Variants in DOCK7 observed in about 807,000 individuals in gnomAD.
DOCK7 encodes the protein dedicator of cytokinesis protein 7.
In DOCK7, 138 loss-of-function variants were observed where a neutral mutation model predicts 271.0. That is an observed-to-expected ratio of 0.51 (90% CI 0.44 to 0.59). The LOEUF (loss-of-function observed/expected upper bound fraction) is 0.59, where lower values mean the gene tolerates loss of function less well. DOCK7 is among the 20% of genes least tolerant of loss of function. The pLI, the probability that DOCK7 is intolerant of heterozygous loss-of-function variation, is 0.00. For missense variants in DOCK7, 2,066 were observed against 2,592.4 expected, an observed-to-expected ratio of 0.80 and a Z score of 4.41; for synonymous variants, 823 against 876.1, an observed-to-expected ratio of 0.94 and a Z score of 1.07.
In DOCK7 at chr1:62,642,355, C is replaced by T. The variant is rs143641216; in HGVS notation, c.818+5336G>A. Among the ~76,000 whole-genome samples, 1,017 of 152,212 alleles carry T rather than the reference C, an allele frequency of 6.7e-3. 6 individuals carry two copies. The highest frequency in any genetic ancestry group is 0.011 in the Non-Finnish European group (748 of 68,008). On this transcript the variant is annotated intron_variant, in intron 7 of 49. Coordinates refer to ENST00000635253, the MANE Select transcript of DOCK7 (RefSeq NM_001367561.1). ...CTGACCTCAGGTGATCTGTCCGCCT[C>T]GGCCTCCCAAAGTGCTGGGATTATA...
intron 14 of DOCK7, among the ~76,000 whole-genome samples, chr1:62,599,391 G>A (rs921347990): frequency 6.6e-6 from 1 of 151,882 alleles, no homozygotes; most frequent in Non-Finnish European, 1.5e-5. Flanking sequence ...TTCCCTTAGG[G>A]TCGTTATCAA....
Position 62,648,327 on chromosome 1 carries a change from CAA to C in DOCK7, c.520-11_520-10del. The C allele has an allele frequency of 6.4e-7, 1 of 1,562,378 alleles. No homozygotes were observed. The highest frequency in any genetic ancestry group is 8.7e-7 in the Non-Finnish European group (1 of 1,153,110). ...CGTCTTTTAAGGTCATCCTGTCATG[CAA>C]AACATTAAATATAAATATATTAATT... is the stretch of plus-strand genomic sequence containing the variant. On this transcript the variant is annotated splice_polypyrimidine_tract_variant and intron_variant, in intron 5 of 49. Coordinates refer to ENST00000635253, the MANE Select transcript of DOCK7 (RefSeq NM_001367561.1).
At chr1:62,544,866 A>C in intron 23 of DOCK7, 81 bp downstream of exon 23, 1 of 1,104,872 alleles carries the variant, frequency 9.1e-7, no homozygotes, top group Non-Finnish European at 1.3e-6. Flanking sequence ...CAAGCCACTG[A>C]AATCATAGTA....
At chr1:62,612,441 C>G (rs1302753265) in intron 14 of DOCK7, among the ~76,000 whole-genome samples, 1 of 151,998 alleles carries the variant, frequency 6.6e-6, no homozygotes, top group East Asian at 1.9e-4. Flanking sequence ...GGGCTTAAAA[C>G]CTAGATAACA....
At chr1:62,684,672 T>C (rs1178415483) in intron 1 of DOCK7, among the ~76,000 whole-genome samples, 1 of 152,194 alleles carries the variant, frequency 6.6e-6, no homozygotes, top group Non-Finnish European at 1.5e-5. Flanking sequence ...AACAAAATCC[T>C]AGACAATTTG....
intron 1 of DOCK7, among the ~76,000 whole-genome samples, chr1:62,687,953 G>A (rs577138677): frequency 6.6e-5 from 10 of 152,320 alleles, no homozygotes; most frequent in Admixed American, 2.0e-4. Context: ...CCGCCGAGGA[G>A]CAGGAGGAGG....
chr1:62,483,005 T>C (rs952828932), intron 43 of DOCK7: 1 of 151,912 alleles, frequency 6.6e-6, no homozygotes, highest in African/African-American at 2.4e-5. Context: ...ATATTTGCTG[T>C]CCATATTTTT....
chr1:62,519,972 T>C (rs1644797187), intron 31 of DOCK7, among the ~76,000 whole-genome samples: 1 of 152,136 alleles, frequency 6.6e-6, no homozygotes, highest in African/African-American at 2.4e-5. Flanking sequence ...ATCTGATCTT[T>C]GACAAACCTG....
intron 40 of DOCK7, among the ~76,000 whole-genome samples, chr1:62,493,756 C>T (rs958727975): frequency 2.0e-5 from 3 of 152,128 alleles, no homozygotes; most frequent in African/African-American, 7.2e-5. Flanking sequence ...CTACTATTAA[C>T]AGGTTTTGAA....
rs769755149 is a variant in DOCK7, at chr1:62,513,917, A to G, written c.3937-19T>C. On this transcript the variant is annotated intron_variant, in intron 31 of 49. Transcript: ENST00000635253. ...TGCCACTCTGAAAATAAAGAGCAGT[A>G]GAATGAGACAGATTGATCAAAGACC... The G allele has an allele frequency of 8.8e-6, 14 of 1,594,832 alleles. No homozygotes were observed. Among genetic ancestry groups the G allele is most frequent in the African/African-American group, 1.3e-5 (1 of 74,212 alleles).
intron 43 of DOCK7, chr1:62,482,150 C>T (rs1646145560): frequency 6.6e-6 from 1 of 152,120 alleles, no homozygotes; most frequent in African/African-American, 2.4e-5. Flanking sequence ...TTTTTGAGTA[C>T]TTACTATGTG....
chr1:62,658,287 C>T (rs1391175120), intron 2 of DOCK7, among the ~76,000 whole-genome samples: 1 of 151,332 alleles, frequency 6.6e-6, no homozygotes, highest in Non-Finnish European at 1.5e-5. Flanking sequence ...AACCCTGTCT[C>T]TACTAAAAAT....
At chr1:62,537,535 G>A (rs1428481419) in intron 28 of DOCK7, among the ~76,000 whole-genome samples, 7 of 148,108 alleles carry the variant, frequency 4.7e-5, no homozygotes, top group East Asian at 2.0e-4. Flanking sequence ...GCAGTGAGCC[G>A]AGATCGCACC....
chr1:62,462,200 A>G (rs992353553), intron 48 of DOCK7, among the ~76,000 whole-genome samples: 3 of 152,214 alleles, frequency 2.0e-5, no homozygotes, highest in African/African-American at 7.2e-5. Context: ...AAGTAAATGG[A>G]AAAATATACC....
chr1:62,668,946 TCAATTATTATTACTCTG>T (rs2149735349), intron 1 of DOCK7, among the ~76,000 whole-genome samples: 1 of 148,278 alleles, frequency 6.7e-6, no homozygotes, highest in South Asian at 2.1e-4. Context: ...AAAAAAGGCT[TCAATTATTATTACTCTG>T]CCTTAGTGGG....
At chr1:62,510,760 C>A (rs879726265) in intron 33 of DOCK7, 87 bp from the exon 34 acceptor site, 14 of 1,030,634 alleles carry the variant, frequency 1.4e-5, no homozygotes, top group Admixed American at 4.2e-5. Context: ...AAGAAATATA[C>A]AACAATAATT....
chr1:62,507,851 G>C, intron 35 of DOCK7, 111 bp downstream of exon 35: 1 of 940,490 alleles, frequency 1.1e-6, no homozygotes, highest in Non-Finnish European at 1.6e-6. Context: ...AAACTTTTAG[G>C]AACTACCAAT....
At chr1:62,619,013 C>T (rs553848139) in intron 13 of DOCK7, 145 bp from the exon 14 acceptor site, 1 of 618,120 alleles carries the variant, frequency 1.6e-6, no homozygotes, top group Admixed American at 3.2e-5. Context: ...TCATCTCATG[C>T]CTCTAAATCA....
chr1:62,513,774 A>G lies in DOCK7; in HGVS notation c.4061T>C (p.Leu1354Ser), dbSNP rs984969445. The part of the protein sequence containing the change: ...LQKWFTDLSV[L>S]QLNRLLDLLY... ...CAGATCTAATAGCCGGTTTAGCTGC[A>G]AGACTGAGAGATCTGTAAACCACTT... Residue 1354 changes from leucine to serine, a missense_variant, in exon 32 of 50, where the codon TTG becomes TCG. Transcript: ENST00000635253. 7.4e-6 allele frequency: 12 copies of G among 1,614,082 alleles called. No individual in the cohort carries two copies. Among genetic ancestry groups the G allele is most frequent in the Non-Finnish European group, 1.0e-5 (12 of 1,180,028 alleles).
Sources: gnomAD v4.1 joint callset for allele counts (sites outside exome capture counted in the v4.1 genomes callset) on GRCh38, gnomAD v4.1.1 for gene constraint, MANE v1.5 for transcripts, NCBI Gene and HGNC (gene_info 2026-07-23, HGNC 2026-07-21) for gene names.